The following ABCD2 variants were observed in gnomAD, a reference collection of about 807,000 sequenced individuals.
ABCD2 encodes the protein ATP-binding cassette sub-family D member 2.
A neutral mutation model predicts 70.9 loss-of-function variants in ABCD2; 36 were observed. That is an observed-to-expected ratio of 0.51 (90% CI 0.39 to 0.67). The LOEUF (loss-of-function observed/expected upper bound fraction) is 0.67, where lower values mean the gene tolerates loss of function less well. Ranked by LOEUF, ABCD2 falls within the 30% of genes least tolerant of loss-of-function variation. The pLI is 0.00. For missense variants in ABCD2, 729 were observed against 890.2 expected, an observed-to-expected ratio of 0.82 and a Z score of 2.30; for synonymous variants, 304 against 306.9, an observed-to-expected ratio of 0.99 and a Z score of 0.10.
intron 2 of ABCD2, 112 bp downstream of exon 2, chr12:39,616,876 G>A: frequency 1.0e-6 from 1 of 960,904 alleles, no homozygotes; most frequent in Non-Finnish European, 1.5e-6. Flanking sequence ...TCGGACCATT[G>A]TTAACTAGAA....
the ABCD2 span, among the ~76,000 whole-genome samples, chr12:39,532,553 T>C: frequency 5.3e-5 from 8 of 152,332 alleles, no homozygotes; most frequent in Admixed American, 2.6e-4. Flanking sequence ...TCTGGCAATG[T>C]ATATTAATTC....
chr12:39,561,727 T>A (rs890952018), intron 9 of ABCD2, among the ~76,000 whole-genome samples: 1 of 152,080 alleles, frequency 6.6e-6, no homozygotes, highest in Admixed American at 6.6e-5. Flanking sequence ...CTGAAAGAAG[T>A]GAACTACAAT....
the ABCD2 span, among the ~76,000 whole-genome samples, chr12:39,542,197 A>C: frequency 1.3e-5 from 2 of 152,130 alleles, no homozygotes; most frequent in Non-Finnish European, 2.9e-5. Flanking sequence ...AGCATGGTGG[A>C]TCATGCCTGT....
intron 8 of ABCD2, among the ~76,000 whole-genome samples, chr12:39,575,903 GTATT>G (rs1383957945): frequency 6.6e-6 from 1 of 152,108 alleles, no homozygotes; most frequent in Non-Finnish European, 1.5e-5. Context: ...CAAACACCAA[GTATT>G]TATTTCAGGT....
chr12:39,534,639 CA>C, the ABCD2 span, among the ~76,000 whole-genome samples: 3 of 137,860 alleles, frequency 2.2e-5, no homozygotes, highest in Non-Finnish European at 4.5e-5. Context: ...CAGGGAGACC[CA>C]GAAAGAAAGA....
At chr12:39,561,391 CAAA>C (rs529908093) in intron 9 of ABCD2, among the ~76,000 whole-genome samples, 9 of 74,432 alleles carry the variant, frequency 1.2e-4, no homozygotes, top group Middle Eastern at 9.3e-3. Flanking sequence ...GACTCTGTCT[CAAA>C]AAAAAAAAAA....
intron 9 of ABCD2, among the ~76,000 whole-genome samples, chr12:39,557,269 G>A (rs1305858312): frequency 6.6e-6 from 1 of 152,262 alleles, no homozygotes; most frequent in East Asian, 1.9e-4. Context: ...CCCTGCCCTA[G>A]AGGTCTATGG....
At chr12:39,615,315 C>T (rs927079969) in intron 2 of ABCD2, among the ~76,000 whole-genome samples, 13 of 151,534 alleles carry the variant, frequency 8.6e-5, no homozygotes, top group African/African-American at 2.9e-4. Context: ...AAATGAGTAT[C>T]GTTATTTTAA....
rs1942126336 is a variant in ABCD2 at position 39,617,121 on chromosome 12, C to G, written c.987G>C (p.Gln329His). 1 of 1,611,500 alleles carries G rather than the reference C, an allele frequency of 6.2e-7. No individual in the cohort carries two copies. Among genetic ancestry groups the G allele is most frequent in the African/African-American group, 1.3e-5 (1 of 74,766 alleles). ...AACGTTTGGATAAAATGAGGTTCAT[C>G]TGATCTGCTAAAGCTTTGTAACTTT... ...LQKSYKALAD[Q>H]MNLILSKRLW... The change falls in exon 2 of 10, where the codon CAG (glutamine) becomes CAC (histidine). Residue 329 changes from glutamine to histidine, a missense_variant. Gln to His is a conservative substitution (Grantham distance 24). Coordinates refer to ENST00000308666, the MANE Select transcript of ABCD2 (RefSeq NM_005164.4).
chr12:39,542,129 A>G, the ABCD2 span, among the ~76,000 whole-genome samples: 2 of 152,200 alleles, frequency 1.3e-5, no homozygotes, highest in South Asian at 2.1e-4. Flanking sequence ...TGAAGTTTTC[A>G]TATATGTGTA....
chr12:39,585,419 A>G (rs955072449), intron 7 of ABCD2, among the ~76,000 whole-genome samples: 1 of 152,130 alleles, frequency 6.6e-6, no homozygotes. Context: ...CTTTGAGCTG[A>G]GACTATGGGG....
chr12:39,587,264 A>T (rs1941678893), intron 6 of ABCD2, among the ~76,000 whole-genome samples: 1 of 152,220 alleles, frequency 6.6e-6, no homozygotes, highest in Non-Finnish European at 1.5e-5. Flanking sequence ...ATATAGAGTG[A>T]TTTCCATGAT....
chr12:39,545,061 A>G (rs1379675759), downstream of ABCD2, among the ~76,000 whole-genome samples: 1 of 152,210 alleles, frequency 6.6e-6, no homozygotes, highest in Non-Finnish European at 1.5e-5. Flanking sequence ...ACAGTGTACT[A>G]TAGTTTTTCT....
At chr12:39,586,012 CAAT>C (rs1298852576) in intron 7 of ABCD2, 137 bp downstream of exon 7, 1 of 692,754 alleles carries the variant, frequency 1.4e-6, no homozygotes, top group Non-Finnish European at 2.2e-6. Context: ...AATGGAACAG[CAAT>C]AAAACTCCAT....
downstream of ABCD2, among the ~76,000 whole-genome samples, chr12:39,548,400 C>A (rs1177174339): frequency 6.6e-6 from 1 of 152,000 alleles, no homozygotes; most frequent in Non-Finnish European, 1.5e-5. Flanking sequence ...TCTACATTAA[C>A]CTCATTTATC....
intron 9 of ABCD2, among the ~76,000 whole-genome samples, chr12:39,559,378 CAAAA>C (rs199560381): frequency 1.2e-4 from 7 of 60,402 alleles, no homozygotes; most frequent in South Asian, 8.0e-4. Context: ...ACTCCAGCTC[CAAAA>C]AAAAAAAAAA....
At chr12:39,557,907 T>G (rs1434386547) in intron 9 of ABCD2, among the ~76,000 whole-genome samples, 1 of 152,146 alleles carries the variant, frequency 6.6e-6, no homozygotes, top group Non-Finnish European at 1.5e-5. Flanking sequence ...GAACCATTGC[T>G]AGGGTAGTGC....
the ABCD2 span, among the ~76,000 whole-genome samples, chr12:39,533,025 G>T: frequency 1.6e-4 from 24 of 151,738 alleles, 1 homozygote; most frequent in East Asian, 4.7e-3. Flanking sequence ...ATTAGCCAGG[G>T]GTGGTGGCGG....
chr12:39,534,300 T>C, the ABCD2 span, among the ~76,000 whole-genome samples: 29 of 152,326 alleles, frequency 1.9e-4, no homozygotes, highest in East Asian at 4.2e-3. Context: ...AAACACAATT[T>C]GAAACTTCAC....
Sources: gnomAD v4.1 joint callset for allele counts (sites outside exome capture counted in the v4.1 genomes callset) on GRCh38, gnomAD v4.1.1 for gene constraint, MANE v1.5 for transcripts, NCBI Gene and HGNC (gene_info 2026-07-23, HGNC 2026-07-21) for gene names.